The following DAGLA variants were observed in gnomAD, a reference collection of about 807,000 sequenced individuals.
DAGLA encodes the protein diacylglycerol lipase-alpha.
DAGLA carries 22 observed loss-of-function variants against 102.6 expected under a neutral mutation model. The observed-to-expected ratio is 0.21, with a 90% CI of 0.15 to 0.31. The LOEUF (loss-of-function observed/expected upper bound fraction) is 0.31, where lower values mean the gene tolerates loss of function less well. Ranked by LOEUF, DAGLA falls within the 10% of genes least tolerant of loss-of-function variation. The probability of loss-of-function intolerance (pLI) is 1.00; values close to 1 mark genes in which losing one functional copy is unlikely to be tolerated. For synonymous variants in DAGLA, 578 were observed against 628.9 expected, an observed-to-expected ratio of 0.92 and a Z score of 1.21; for missense variants, 927 against 1,446.6, an observed-to-expected ratio of 0.64 and a Z score of 5.83.
At chr11:61,718,366 C>CA (rs1491120644) in intron 1 of DAGLA, among the ~76,000 whole-genome samples, 1 of 152,158 alleles carries the variant, frequency 6.6e-6, no homozygotes, top group Non-Finnish European at 1.5e-5. Flanking sequence ...CGACAGCCCC[C>CA]TGAGCCCGAC....
At chr11:61,698,936 A>G (rs948321787) in intron 1 of DAGLA, among the ~76,000 whole-genome samples, 1 of 152,204 alleles carries the variant, frequency 6.6e-6, no homozygotes, top group East Asian at 1.9e-4. Flanking sequence ...CAGGATTGGA[A>G]AAGGCCTTTT....
intron 19 of DAGLA, 79 bp downstream of exon 19, chr11:61,741,428 G>T: frequency 1.4e-6 from 2 of 1,468,592 alleles, no homozygotes; most frequent in African/African-American, 1.4e-5. Context: ...CATGCATTTT[G>T]TGCATGCACT....
At chr11:61,690,989 G>A (rs1468251558) in intron 1 of DAGLA, among the ~76,000 whole-genome samples, 1 of 152,046 alleles carries the variant, frequency 6.6e-6, no homozygotes, top group East Asian at 1.9e-4. Context: ...GCACAGCATG[G>A]CTCCTCTCAC....
chr11:61,683,273 A>G (rs2064959656), intron 1 of DAGLA, among the ~76,000 whole-genome samples: 1 of 152,072 alleles, frequency 6.6e-6, no homozygotes, highest in Non-Finnish European at 1.5e-5. Context: ...CAGGGTTGTG[A>G]GCTGACTTTT....
In DAGLA at chr11:61,745,005, A is replaced by G. The variant is rs1409177284; in HGVS notation, c.*516A>G. Reference sequence around the variant, plus strand: ...CTGCCGAGGTGGCCTGCAGTGCTGTACATGTTTACAGAAGCTGCTGGGCTT... The same window carrying G: ...CTGCCGAGGTGGCCTGCAGTGCTGTGCATGTTTACAGAAGCTGCTGGGCTT... On this transcript the variant is annotated 3_prime_UTR_variant, in exon 20 of 20. Transcript: ENST00000257215. 1 of 161,286 alleles carries G rather than the reference A, an allele frequency of 6.2e-6. No homozygotes were observed. Among genetic ancestry groups the G allele is most frequent in the Non-Finnish European group, 1.4e-5 (1 of 72,962 alleles). 10.0% of individuals were successfully genotyped at this position (161,286 alleles called of 1,614,324 possible).
chr11:61,712,243 T>C (rs2065199871), intron 1 of DAGLA, among the ~76,000 whole-genome samples: 1 of 152,192 alleles, frequency 6.6e-6, no homozygotes, highest in Admixed American at 6.5e-5. Flanking sequence ...ACTCACTTGC[T>C]AGCTTCTTTA....
chr11:61,739,406 T>C (rs1289755075), intron 16 of DAGLA, 59 bp from the exon 17 acceptor site: 46 of 921,810 alleles, frequency 5.0e-5, no homozygotes, highest in South Asian at 1.7e-4. Flanking sequence ...CCCCTGCCCC[T>C]GCCCCCCAGC....
intron 5 of DAGLA, among the ~76,000 whole-genome samples, chr11:61,725,784 G>A (rs2065320393): frequency 6.6e-6 from 1 of 152,198 alleles, no homozygotes; most frequent in African/African-American, 2.4e-5. Context: ...AGGCTAGCAG[G>A]AGTCTGTCAG....
intron 9 of DAGLA, among the ~76,000 whole-genome samples, chr11:61,733,391 C>T (rs2065393261): frequency 6.6e-6 from 1 of 152,208 alleles, no homozygotes; most frequent in Admixed American, 6.5e-5. Flanking sequence ...CGGCTTTGTC[C>T]CCCCAGCAAG....
intron 1 of DAGLA, among the ~76,000 whole-genome samples, chr11:61,699,372 T>A (rs1284368878): frequency 6.6e-6 from 1 of 152,008 alleles, no homozygotes; most frequent in Non-Finnish European, 1.5e-5. Context: ...TGGCACTGCC[T>A]CTCCTACTGC....
chr11:61,709,915 GC>G (rs1348921197), intron 1 of DAGLA, among the ~76,000 whole-genome samples: 1 of 152,140 alleles, frequency 6.6e-6, no homozygotes, highest in Non-Finnish European at 1.5e-5. Context: ...GGCCCACGAA[GC>G]CTCCCCACCT....
chr11:61,707,094 G>A (rs2065156514), intron 1 of DAGLA, among the ~76,000 whole-genome samples: 1 of 152,246 alleles, frequency 6.6e-6, no homozygotes, highest in African/African-American at 2.4e-5. Context: ...GGTTGACAGG[G>A]ATGAAGCCCT....
chr11:61,724,565 G>A lies in DAGLA; in HGVS notation c.548+993G>A, dbSNP rs185486737. On this transcript the variant is annotated intron_variant, in intron 5 of 19. Transcript: ENST00000257215. ...CAGGCTGTCTGGACCCCCGCTGCCC[G>A]GCAGGAATTCTCACCGTCCCACCCT... 2.4e-3 allele frequency among the ~76,000 whole-genome samples: 358 copies of A among 152,262 alleles called. 4 individuals carry two copies. Among genetic ancestry groups the A allele is most frequent in the African/African-American group, 8.2e-3 (341 of 41,542 alleles).
intron 1 of DAGLA, among the ~76,000 whole-genome samples, chr11:61,687,518 G>A (rs1396150228): frequency 6.6e-6 from 1 of 152,104 alleles, no homozygotes; most frequent in Non-Finnish European, 1.5e-5. Flanking sequence ...TAGTACAGAT[G>A]GGGTTTCACC....
chr11:61,721,036 A>G, intron 3 of DAGLA, 146 bp downstream of exon 3: 4 of 758,110 alleles, frequency 5.3e-6, no homozygotes, highest in Non-Finnish European at 8.5e-6. Flanking sequence ...TGTAGCTTAC[A>G]TTCTAGACTA....
In DAGLA at chr11:61,696,180, G is replaced by A. The variant is rs145418322; in HGVS notation, c.-45+15676G>A. ...GGCACCCCGTTCCGTAGGTGTCAGC[G>A]GAACCGTCACCAGCGGTGGGCGCCA... On this transcript the variant is annotated intron_variant, in intron 1 of 19. Coordinates refer to ENST00000257215, the MANE Select transcript of DAGLA (RefSeq NM_006133.3). 8.2e-3 allele frequency among the ~76,000 whole-genome samples: 1,247 copies of A among 152,326 alleles called. 3 individuals carry two copies. Among genetic ancestry groups the A allele is most frequent in the Middle Eastern group, 0.031 (9 of 294 alleles).
At chr11:61,724,706 G>A (rs896362435) in intron 5 of DAGLA, among the ~76,000 whole-genome samples, 7 of 152,182 alleles carry the variant, frequency 4.6e-5, no homozygotes. Flanking sequence ...AGGTCTGGGA[G>A]CCAAGGCCCC....
chr11:61,696,609 T>TGGGGTGGGGA (rs2065068686), intron 1 of DAGLA, among the ~76,000 whole-genome samples: 1 of 10,724 alleles, frequency 9.3e-5, no homozygotes, highest in Non-Finnish European at 1.9e-4. Flanking sequence ...TGGGGTGGGG[T>TGGGGTGGGGA]GGGGTGGGGA....
At chr11:61,685,436 T>C (rs1471878157) in intron 1 of DAGLA, among the ~76,000 whole-genome samples, 1 of 152,184 alleles carries the variant, frequency 6.6e-6, no homozygotes, top group Non-Finnish European at 1.5e-5. Context: ...ATCCTTGGGA[T>C]AGACAGAATC....
Sources: gnomAD v4.1 joint callset for allele counts (sites outside exome capture counted in the v4.1 genomes callset) on GRCh38, gnomAD v4.1.1 for gene constraint, MANE v1.5 for transcripts, NCBI Gene and HGNC (gene_info 2026-07-23, HGNC 2026-07-21) for gene names.